PARD3B: variants seen among roughly 807,000 people sequenced by gnomAD.
The protein encoded by PARD3B is par-3 family cell polarity regulator beta.
In PARD3B, 103 loss-of-function variants were observed where a neutral mutation model predicts 130.2. The ratio of observed to expected loss-of-function variants is 0.79; its 90% CI spans 0.67 to 0.93. PARD3B has a LOEUF of 0.93. Among genes scored for constraint, PARD3B ranks in the 40% least tolerant of loss-of-function variants. PARD3B has a pLI of 0.00. For synonymous variants in PARD3B, 583 were observed against 553.2 expected, an observed-to-expected ratio of 1.05 and a Z score of -0.76; for missense variants, 1,609 against 1,499.2, an observed-to-expected ratio of 1.07 and a Z score of -1.21.
At chr2:205,143,888 G>A (rs899400570) in intron 10 of PARD3B, among the ~76,000 whole-genome samples, 36 of 152,158 alleles carry the variant, frequency 2.4e-4, no homozygotes, top group Admixed American at 6.5e-4. Context: ...TAAGAGAAGG[G>A]AAAGATGTGA....
At chr2:204,642,734 G>A (rs1312093761) in intron 1 of PARD3B, among the ~76,000 whole-genome samples, 6 of 151,940 alleles carry the variant, frequency 3.9e-5, no homozygotes, top group Middle Eastern at 3.4e-3. Context: ...TTGGAGGAGG[G>A]GCCTGGTGGG....
rs1018934609 is a variant in PARD3B at position 205,292,038 on chromosome 2, A to C, written c.2186-8492A>C. On this transcript the variant is annotated intron_variant, in intron 16 of 22. Transcript: ENST00000406610. This position sits in a 1 kb window ranked among gnomAD's most constrained non-coding sequence, Gnocchi z 5.3. The stretch of plus-strand genomic sequence containing the variant: ...CCCTCAGGACCTCAGTGCATGCTGC[A>C]TAGGGCAGCCAAACACCACTGGGTT... Among the ~76,000 whole-genome samples the C allele has an allele frequency of 2.6e-5, 4 of 152,186 alleles. No individual in the cohort carries two copies. The highest frequency in any genetic ancestry group is 9.6e-5 in the African/African-American group (4 of 41,456).
At chr2:205,068,386 T>C (rs1282992848) in intron 4 of PARD3B, among the ~76,000 whole-genome samples, 3 of 152,216 alleles carry the variant, frequency 2.0e-5, no homozygotes, top group Admixed American at 6.6e-5. Flanking sequence ...ATATTCTGTT[T>C]TTAATTTTTT....
chr2:204,946,157 AT>A (rs1689305824), intron 2 of PARD3B, among the ~76,000 whole-genome samples: 1 of 152,188 alleles, frequency 6.6e-6, no homozygotes, highest in South Asian at 2.1e-4. Context: ...TGACTTGCAT[AT>A]TCATCTGCCC....
intron 1 of PARD3B, among the ~76,000 whole-genome samples, chr2:204,630,326 A>G (rs1278557203): frequency 6.6e-6 from 1 of 152,126 alleles, no homozygotes; most frequent in Non-Finnish European, 1.5e-5. Context: ...TTGTTGAAAA[A>G]ATGTTTTGAA....
intron 1 of PARD3B, among the ~76,000 whole-genome samples, chr2:204,654,820 T>C (rs2125173622): frequency 6.6e-6 from 1 of 152,274 alleles, no homozygotes; most frequent in African/African-American, 2.4e-5. Flanking sequence ...CTGGGCACAG[T>C]GCCCAGGTTT....
chr2:204,944,722 G>T (rs769341638), intron 2 of PARD3B, among the ~76,000 whole-genome samples: 2 of 152,116 alleles, frequency 1.3e-5, no homozygotes, highest in African/African-American at 4.8e-5. Context: ...TTTTGAAAAG[G>T]TTTGCTATTT....
intron 19 of PARD3B, among the ~76,000 whole-genome samples, chr2:205,437,215 T>C (rs2047549368): frequency 6.6e-6 from 1 of 152,154 alleles, no homozygotes. Context: ...CCACTGTAGA[T>C]AGAATTTTCT....
rs975057693 is a variant in PARD3B at position 205,078,003 on chromosome 2, A to G, written c.505-26423A>G. Among the ~76,000 whole-genome samples, 1 of 152,226 alleles carries G rather than the reference A, an allele frequency of 6.6e-6. No homozygotes were observed. Among genetic ancestry groups the G allele is most frequent in the African/African-American group, 2.4e-5 (1 of 41,458 alleles). ...ATTTGTCACAAATTAAACTTACCTA[A>G]TTATTAAAATGCTGCCCTTTGGTTT... On this transcript the variant is annotated intron_variant, in intron 4 of 22. Transcript: ENST00000406610. The surrounding 1 kb of genome is among the most constrained non-coding windows in gnomAD (Gnocchi z 4.0).
chr2:205,194,818 C>G (rs939552113), intron 15 of PARD3B, among the ~76,000 whole-genome samples: 9 of 151,976 alleles, frequency 5.9e-5, no homozygotes, highest in Non-Finnish European at 8.8e-5. Context: ...GAGTCTCGCT[C>G]TGTCACCCAG....
intron 3 of PARD3B, among the ~76,000 whole-genome samples, chr2:205,046,845 A>C (rs1167518488): frequency 6.6e-6 from 1 of 152,188 alleles, no homozygotes; most frequent in East Asian, 1.9e-4. Context: ...TTTTAGGCCT[A>C]ATTGCAGTCA....
At chr2:205,332,732 G>GA (rs2043182840) in intron 18 of PARD3B, among the ~76,000 whole-genome samples, 1 of 152,112 alleles carries the variant, frequency 6.6e-6, no homozygotes, top group Non-Finnish European at 1.5e-5. Flanking sequence ...GGAGGGTGCA[G>GA]AGAGCTCTCC....
chr2:205,256,460 G>A (rs1236213474), intron 16 of PARD3B, among the ~76,000 whole-genome samples: 2 of 152,072 alleles, frequency 1.3e-5, no homozygotes, highest in Admixed American at 6.5e-5. Context: ...TGCAAACAGT[G>A]ACAATACCAT....
chr2:204,796,764 G>T (rs748657565), intron 2 of PARD3B, among the ~76,000 whole-genome samples: 2 of 152,146 alleles, frequency 1.3e-5, no homozygotes, highest in Admixed American at 1.3e-4. Context: ...TACTTACGTC[G>T]TTGGTTTTCA....
chr2:205,075,526 G>A (rs1013900546), intron 4 of PARD3B, among the ~76,000 whole-genome samples: 10 of 151,166 alleles, frequency 6.6e-5, no homozygotes, highest in African/African-American at 1.5e-4. Context: ...TATGCCTATG[G>A]GAGTTTAAAA....
chr2:205,320,193 G>T (rs1216619579), intron 18 of PARD3B, among the ~76,000 whole-genome samples: 1 of 132,576 alleles, frequency 7.5e-6, no homozygotes, highest in Non-Finnish European at 1.6e-5. Context: ...GAGAGAGAGA[G>T]GAAGGGAAGG....
intron 3 of PARD3B, among the ~76,000 whole-genome samples, chr2:204,991,166 G>C (rs754116342): frequency 2.6e-5 from 4 of 151,094 alleles, no homozygotes; most frequent in Non-Finnish European, 5.9e-5. Flanking sequence ...ATGCTGGTGC[G>C]CTGCACCCAC....
chr2:205,378,062 T>C (rs1185606924), intron 18 of PARD3B, among the ~76,000 whole-genome samples: 2 of 152,108 alleles, frequency 1.3e-5, no homozygotes, highest in African/African-American at 4.8e-5. Context: ...TGAGTCACCA[T>C]GCCCAGCTGG....
intron 2 of PARD3B, among the ~76,000 whole-genome samples, chr2:204,831,998 G>A (rs554275948): frequency 2.0e-5 from 3 of 152,200 alleles, no homozygotes; most frequent in South Asian, 2.1e-4. Context: ...CGAGATGGGC[G>A]GATCATGAGG....
Sources: allele counts gnomAD v4.1 joint callset (sites outside exome capture counted in the v4.1 genomes callset), GRCh38; gene constraint gnomAD v4.1.1; non-coding constraint Gnocchi (gnomAD v3.1); transcripts MANE v1.5; gene names NCBI Gene and HGNC (gene_info 2026-07-23, HGNC 2026-07-21).